SMAD3: variants seen among roughly 807,000 people sequenced by gnomAD.
The protein encoded by SMAD3 is MAD homolog 3.
SMAD3 carries 12 observed loss-of-function variants against 51.8 expected under a neutral mutation model. The observed-to-expected ratio is 0.23, with a 90% CI of 0.15 to 0.38. SMAD3 has a LOEUF of 0.38. Among genes scored for constraint, SMAD3 ranks in the 10% least tolerant of loss-of-function variants. The pLI, the probability that SMAD3 is intolerant of heterozygous loss-of-function variation, is 1.00. For missense variants in SMAD3, 294 were observed against 565.6 expected (o/e 0.52, Z 4.87); for synonymous variants, 238 against 227.7 (o/e 1.05, Z -0.41).
intron 5 of SMAD3, chr15:67,174,459 C>T (rs1055172749): frequency 1.3e-5 from 2 of 152,284 alleles, no homozygotes; most frequent in African/African-American, 4.8e-5. Context: ...GGGAGGCAAG[C>T]CCTGAAGGAC....
At chr15:67,114,222 C>T (rs1488232145) in intron 1 of SMAD3, among the ~76,000 whole-genome samples, 1 of 152,198 alleles carries the variant, frequency 6.6e-6, no homozygotes, top group Non-Finnish European at 1.5e-5. Flanking sequence ...GGAGGGTCCT[C>T]TCTCTCGCCC....
chr15:67,159,318 G>C (rs1333812467), intron 1 of SMAD3, among the ~76,000 whole-genome samples: 1 of 152,098 alleles, frequency 6.6e-6, no homozygotes. Flanking sequence ...TGATCCACCT[G>C]CCTTGGCTTC....
rs889314778 is a variant in SMAD3, at chr15:67,167,167, C to A, written c.607+314C>A. Among the ~76,000 whole-genome samples, 7 of 152,132 alleles carry A rather than the reference C, an allele frequency of 4.6e-5. No homozygotes were observed. The East Asian group carries it at 1.2e-3, about 25-fold the overall frequency. ...CTGGGGAGGAGCAGCACCTTGCAGT[C>A]CAGGTTTTTCCCCAGGTTGAGTCTT... is the stretch of plus-strand genomic sequence containing the variant. On this transcript the variant is annotated intron_variant, in intron 4 of 8. Transcript: ENST00000327367.
intron 5 of SMAD3, among the ~76,000 whole-genome samples, chr15:67,174,036 G>C (rs1962822542): frequency 6.6e-6 from 1 of 152,254 alleles, no homozygotes; most frequent in African/African-American, 2.4e-5. Context: ...GCGCAGATTT[G>C]GAAACCATGA....
intron 1 of SMAD3, among the ~76,000 whole-genome samples, chr15:67,123,881 T>C (rs1345839540): frequency 9.9e-5 from 15 of 152,060 alleles, no homozygotes; most frequent in Admixed American, 9.8e-4. Context: ...AAAGGGAAAA[T>C]AGTGTGTCCT....
At chr15:67,108,150 C>T (rs952754536) in intron 1 of SMAD3, among the ~76,000 whole-genome samples, 2 of 152,176 alleles carry the variant, frequency 1.3e-5, no homozygotes, top group Admixed American at 6.5e-5. Flanking sequence ...TGGCCTTGCC[C>T]TCGGGGGCTC....
chr15:67,084,024 A>G (rs532845759), intron 1 of SMAD3, among the ~76,000 whole-genome samples: 23 of 150,818 alleles, frequency 1.5e-4, no homozygotes, highest in Non-Finnish European at 3.2e-4. Context: ...TTGAAGGGAG[A>G]ATCTGAAAGA....
chr15:67,088,077 G>A (rs577992224), intron 1 of SMAD3, among the ~76,000 whole-genome samples: 2 of 152,328 alleles, frequency 1.3e-5, no homozygotes, highest in African/African-American at 4.8e-5. Flanking sequence ...AGCTGGAGCG[G>A]AGAGGGGTCA....
chr15:67,188,190 C>T (rs1359452053), intron 8 of SMAD3, among the ~76,000 whole-genome samples: 1 of 129,736 alleles, frequency 7.7e-6, no homozygotes, highest in East Asian at 2.5e-4. Flanking sequence ...CTCACTCTGT[C>T]ATCCAAGCTG....
chr15:67,139,280 C>T (rs80317056), intron 1 of SMAD3, among the ~76,000 whole-genome samples: 3,302 of 152,152 alleles, frequency 0.022, 134 homozygotes, highest in African/African-American at 0.075. Flanking sequence ...TCAGATGCCC[C>T]GTGATATCTC....
At chr15:67,105,610 T>A (rs1960859485) in intron 1 of SMAD3, among the ~76,000 whole-genome samples, 1 of 152,200 alleles carries the variant, frequency 6.6e-6, no homozygotes, top group African/African-American at 2.4e-5. Flanking sequence ...TATTAGTCAC[T>A]CTGGCAGCAG....
chr15:67,086,220 A>G (rs1265643284), intron 1 of SMAD3, among the ~76,000 whole-genome samples: 1 of 152,074 alleles, frequency 6.6e-6, no homozygotes, highest in Non-Finnish European at 1.5e-5. Flanking sequence ...GTTCTTTGGC[A>G]TTGCCCCGGT....
intron 1 of SMAD3, among the ~76,000 whole-genome samples, chr15:67,112,033 C>T (rs1961025679): frequency 6.6e-6 from 1 of 152,002 alleles, no homozygotes; most frequent in African/African-American, 2.4e-5. Flanking sequence ...GATGATCCAC[C>T]TGCCTCAGCC....
At chr15:67,183,184 A>G (rs562224982) in intron 6 of SMAD3, among the ~76,000 whole-genome samples, 60 of 150,804 alleles carry the variant, frequency 4.0e-4, no homozygotes, top group African/African-American at 1.3e-3. Context: ...CTGGGATTAC[A>G]GGCATGTGCC....
At chr15:67,182,986 T>C (rs1963101029) in intron 6 of SMAD3, among the ~76,000 whole-genome samples, 1 of 48,040 alleles carries the variant, frequency 2.1e-5, no homozygotes, top group Non-Finnish European at 3.3e-5. Flanking sequence ...TATATTTTAT[T>C]AAAAAAAAAA....
At chr15:67,149,593 G>A (rs1272356852) in intron 1 of SMAD3, among the ~76,000 whole-genome samples, 2 of 152,060 alleles carry the variant, frequency 1.3e-5, no homozygotes, top group Non-Finnish European at 2.9e-5. Flanking sequence ...TGGAATTCCT[G>A]TTTTCCTGCC....
intron 1 of SMAD3, among the ~76,000 whole-genome samples, chr15:67,152,983 G>T (rs1962186587): frequency 6.6e-6 from 1 of 152,194 alleles, no homozygotes; most frequent in Non-Finnish European, 1.5e-5. Context: ...TAAACCCAGT[G>T]TGCTTTGTAG....
At chr15:67,114,521 G>C (rs1456231165) in intron 1 of SMAD3, among the ~76,000 whole-genome samples, 1 of 152,138 alleles carries the variant, frequency 6.6e-6, no homozygotes, top group Non-Finnish European at 1.5e-5. Flanking sequence ...CCTTTCTTAA[G>C]AGAAACAAAA....
intron 1 of SMAD3, among the ~76,000 whole-genome samples, chr15:67,101,930 C>G (rs972666932): frequency 6.6e-6 from 1 of 152,210 alleles, no homozygotes; most frequent in East Asian, 1.9e-4. Context: ...TGAATGCAAA[C>G]TAGTTTGTGT....
Sources: allele counts gnomAD v4.1 joint callset (sites outside exome capture counted in the v4.1 genomes callset), GRCh38; gene constraint gnomAD v4.1.1; transcripts MANE v1.5; gene names NCBI Gene and HGNC (gene_info 2026-07-23, HGNC 2026-07-21).